Variants in DNAH14 observed in about 807,000 individuals in gnomAD.
DNAH14 encodes the protein dynein axonemal heavy chain 14.
In DNAH14, 478 loss-of-function variants were observed where a neutral mutation model predicts 520.9. That is an observed-to-expected ratio of 0.92 (90% CI 0.85 to 0.99). The LOEUF is 0.99. Among genes scored for constraint, DNAH14 ranks in the 50% least tolerant of loss-of-function variants. The pLI, the probability that DNAH14 is intolerant of heterozygous loss-of-function variation, is 0.00. For synonymous variants in DNAH14, 1,581 were observed against 1,757.2 expected (o/e 0.90, Z 2.51); for missense variants, 4,831 against 5,234.5 (o/e 0.92, Z 2.38).
chr1:225,126,051 T>G (rs1256167341), intron 27 of DNAH14, among the ~76,000 whole-genome samples: 1 of 152,162 alleles, frequency 6.6e-6, no homozygotes, highest in East Asian at 1.9e-4. Flanking sequence ...ATCAATTAAG[T>G]TTGCTGTCTT....
Position 225,276,051 on chromosome 1 carries a change from C to T in DNAH14, c.8148C>T (p.Phe2716=), listed in dbSNP as rs538367824. 123 of 359,944 alleles carry T rather than the reference C, an allele frequency of 3.4e-4. 1 individual carries two copies. Among genetic ancestry groups the T allele is most frequent in the African/African-American group, 2.5e-3 (113 of 45,788 alleles). The allele number at this position is 359,944 out of a possible 1,614,324, so 22.3% of individuals were successfully genotyped here. A position where few individuals can be genotyped will look rare whatever the true frequency, so the allele number is the denominator to read the frequency against. The change falls in exon 53 of 86, where the codon TTC becomes TTT. Residue 2716 remains phenylalanine, a synonymous_variant. Transcript: ENST00000682510. The part of the protein sequence containing the change: ...YNKLASVLDE[F]QMKLGSISLE... ...AACTTGCCAGTGTACTTGATGAATT[C>T]CAAATGAAGTTGGGTTCAATTTCTT...
At chr1:225,257,901 A>AAT in intron 44 of DNAH14, 59 bp from the exon 45 acceptor site, 1 of 1,222,666 alleles carries the variant, frequency 8.2e-7, no homozygotes, top group South Asian at 1.5e-5. Flanking sequence ...AAAAAAAAAA[A>AAT]GATGAGGTGA....
intron 69 of DNAH14, among the ~76,000 whole-genome samples, chr1:225,343,088 C>T (rs935371555): frequency 2.6e-5 from 4 of 152,100 alleles, no homozygotes; most frequent in South Asian, 2.1e-4. Flanking sequence ...TTTTCCCCAC[C>T]GGAAGGATGT....
intron 23 of DNAH14, among the ~76,000 whole-genome samples, chr1:225,117,140 A>C (rs2076925812): frequency 6.6e-6 from 1 of 152,124 alleles, no homozygotes; most frequent in South Asian, 2.1e-4. Context: ...TCCTCTGAAA[A>C]GAAGGAAAGG....
chr1:225,236,202 T>G (rs907380727), intron 42 of DNAH14, among the ~76,000 whole-genome samples: 2 of 152,218 alleles, frequency 1.3e-5, no homozygotes, highest in African/African-American at 2.4e-5. Context: ...TTTAGCTGCA[T>G]CCCAGAGATT....
At chr1:225,338,980 A>C (rs1035688739) in intron 68 of DNAH14, among the ~76,000 whole-genome samples, 1 of 152,016 alleles carries the variant, frequency 6.6e-6, no homozygotes, top group Non-Finnish European at 1.5e-5. Flanking sequence ...AGAGTCTCTC[A>C]TCAAATTATT....
chr1:225,169,298 ATGACTT>A (rs2082358476), intron 36 of DNAH14, among the ~76,000 whole-genome samples: 1 of 152,240 alleles, frequency 6.6e-6, no homozygotes, highest in Non-Finnish European at 1.5e-5. Flanking sequence ...TGGACAGAGA[ATGACTT>A]TGACGAGTTG....
chr1:225,303,286 A>C lies in DNAH14; in HGVS notation c.8762A>C (p.Glu2921Ala), dbSNP rs1210879759. ...GATTGGTATGAGAGGTGGCCAGAAG[A>C]AGCTCTCCTTATTGTAGCTAACTCA... The part of the protein sequence containing the change: ...TIDWYERWPE[E>A]ALLIVANSFL... The change falls in exon 57 of 86, where the codon GAA becomes GCA. Residue 2921 changes from glutamate to alanine, a missense_variant. Transcript: ENST00000682510. 41 of 1,551,432 alleles carry C rather than the reference A, an allele frequency of 2.6e-5. No homozygotes were observed. Among genetic ancestry groups the C allele is most frequent in the Non-Finnish European group, 3.4e-5 (39 of 1,146,864 alleles).
chr1:225,172,769 A>G (rs2082854689), intron 36 of DNAH14, among the ~76,000 whole-genome samples: 1 of 152,204 alleles, frequency 6.6e-6, no homozygotes, highest in South Asian at 2.1e-4. Flanking sequence ...ACTAAAATTC[A>G]TATGGAACCA....
At chr1:224,982,618 AC>A (rs34206942) in intron 8 of DNAH14, among the ~76,000 whole-genome samples, 50,793 of 152,042 alleles carry the variant, frequency 0.33, 10,118 homozygotes, top group East Asian at 0.54. Flanking sequence ...CCTTAGCTGT[AC>A]CCCAGAGGTT....
chr1:225,088,440 C>T (rs3128662), intron 21 of DNAH14, among the ~76,000 whole-genome samples: 121,337 of 152,092 alleles, frequency 0.8, 51,755 homozygotes, highest in Non-Finnish European at 0.96. Flanking sequence ...GATTGGTGAA[C>T]TTAAAAATAT....
intron 19 of DNAH14, among the ~76,000 whole-genome samples, chr1:225,081,103 TA>T (rs1286891980): frequency 6.6e-6 from 1 of 152,212 alleles, no homozygotes; most frequent in Admixed American, 6.5e-5. Flanking sequence ...GGGCAGTGGG[TA>T]AACAGCTTAA....
intron 17 of DNAH14, among the ~76,000 whole-genome samples, chr1:225,073,906 C>A (rs2148510299): frequency 6.6e-6 from 1 of 151,374 alleles, no homozygotes; most frequent in Middle Eastern, 3.4e-3. Flanking sequence ...TGTTCTCAAT[C>A]TCTTGACCTT....
intron 35 of DNAH14, among the ~76,000 whole-genome samples, chr1:225,161,119 C>A (rs2081470399): frequency 6.6e-6 from 1 of 152,074 alleles, no homozygotes; most frequent in Non-Finnish European, 1.5e-5. Flanking sequence ...AGGTCTTATT[C>A]ATTCTATTTT....
chr1:225,102,136 C>T (rs1328393718), intron 23 of DNAH14, among the ~76,000 whole-genome samples: 13 of 149,342 alleles, frequency 8.7e-5, no homozygotes, highest in South Asian at 4.3e-4. Context: ...TGAGAACATG[C>T]GGTGTTTGGT....
chr1:225,059,179 CCA>C (rs2069617618), intron 17 of DNAH14, among the ~76,000 whole-genome samples: 2 of 152,086 alleles, frequency 1.3e-5, no homozygotes, highest in African/African-American at 2.4e-5. Flanking sequence ...TTGTAGGTCT[CCA>C]AGGACTTGCT....
chr1:225,207,465 G>A (rs182789126), intron 41 of DNAH14, among the ~76,000 whole-genome samples: 11 of 152,232 alleles, frequency 7.2e-5, no homozygotes, highest in Admixed American at 6.5e-4. Flanking sequence ...CCACTAGAGG[G>A]TCTCTATTAA....
intron 35 of DNAH14, among the ~76,000 whole-genome samples, chr1:225,161,335 C>G (rs922010206): frequency 6.6e-6 from 1 of 152,150 alleles, no homozygotes; most frequent in Non-Finnish European, 1.5e-5. Context: ...TATGTTGTTG[C>G]AAATGACAGG....
chr1:225,175,895 A>G (rs1446956242), intron 36 of DNAH14, among the ~76,000 whole-genome samples: 1 of 151,812 alleles, frequency 6.6e-6, no homozygotes, highest in Non-Finnish European at 1.5e-5. Flanking sequence ...AGTAGCTGGG[A>G]CTACAGGCAC....
Sources: gnomAD v4.1 joint callset for allele counts (sites outside exome capture counted in the v4.1 genomes callset) on GRCh38, gnomAD v4.1.1 for gene constraint, MANE v1.5 for transcripts, NCBI Gene and HGNC (gene_info 2026-07-23, HGNC 2026-07-21) for gene names.